TMEM132D: variants seen among roughly 807,000 people sequenced by gnomAD.
TMEM132D encodes the protein mature OL transmembrane protein.
Under a neutral mutation model 62.3 loss-of-function variants are expected in TMEM132D, and 21 were observed. That is an observed-to-expected ratio of 0.34 (90% CI 0.24 to 0.49). The LOEUF (loss-of-function observed/expected upper bound fraction) is 0.49. Ranked by LOEUF, TMEM132D falls within the 20% of genes least tolerant of loss-of-function variation. The pLI is 0.99. For missense variants in TMEM132D, 1,346 were observed against 1,402.8 expected (o/e 0.96, Z 0.65); for synonymous variants, 621 against 575.6 (o/e 1.08, Z -1.13).
intron 5 of TMEM132D, among the ~76,000 whole-genome samples, chr12:129,124,144 T>G (rs1181852262): frequency 3.3e-5 from 5 of 152,058 alleles, no homozygotes; most frequent in African/African-American, 1.2e-4. Context: ...TTCTGCAGAT[T>G]TACAGGGTTA....
At chr12:129,896,578 G>A (rs767321269) in intron 1 of TMEM132D, among the ~76,000 whole-genome samples, 29 of 152,170 alleles carry the variant, frequency 1.9e-4, no homozygotes, top group Non-Finnish European at 4.3e-4. Flanking sequence ...CATCTTCTTA[G>A]TGAATCTGCA....
At position 129,616,892 on chromosome 12, in the gene TMEM132D, T is replaced by C. The variant is rs149089505; in HGVS notation, c.968+82918A>G. On this transcript the variant is annotated intron_variant, in intron 2 of 8. Transcript: ENST00000422113. ...TTTGTTCTGTATGAGCAAAAGCTGATGTAAGGAGGCTGAGTAGACAAGGAG... is the reference window on the plus strand; with the variant it reads ...TTTGTTCTGTATGAGCAAAAGCTGACGTAAGGAGGCTGAGTAGACAAGGAG... Among the ~76,000 whole-genome samples, 992 of 152,352 alleles carry C rather than the reference T, an allele frequency of 6.5e-3. 10 individuals carry two copies. Among genetic ancestry groups the C allele is most frequent in the South Asian group, 0.053 (257 of 4,824 alleles).
chr12:129,711,994 A>G (rs1441674824), intron 1 of TMEM132D, among the ~76,000 whole-genome samples: 1 of 151,988 alleles, frequency 6.6e-6, no homozygotes, highest in Admixed American at 6.6e-5. Context: ...CTTGTGGAGC[A>G]TCTGGGAAAG....
intron 1 of TMEM132D, among the ~76,000 whole-genome samples, chr12:129,752,918 G>A (rs1870045823): frequency 6.6e-6 from 1 of 152,194 alleles, no homozygotes; most frequent in African/African-American, 2.4e-5. Context: ...ATCCAAAGGA[G>A]GAAGGGTGGT....
chr12:129,076,439 C>T (rs1449234801), intron 8 of TMEM132D, among the ~76,000 whole-genome samples: 2 of 152,092 alleles, frequency 1.3e-5, no homozygotes, highest in Non-Finnish European at 2.9e-5. Flanking sequence ...TGGCCCCTGA[C>T]CATGACAGAA....
At chr12:129,646,380 C>A (rs1879778182) in intron 2 of TMEM132D, among the ~76,000 whole-genome samples, 1 of 152,146 alleles carries the variant, frequency 6.6e-6, no homozygotes, top group Admixed American at 6.6e-5. Context: ...CAGTCTGACT[C>A]CTAACCTTTC....
In TMEM132D at chr12:129,097,740, G is replaced by A. The variant is rs151123942; in HGVS notation, c.1444-13038C>T. On this transcript the variant is annotated intron_variant, in intron 5 of 8. Transcript: ENST00000422113. ...AGGAGAGTTTATATTGTCCATTTAC[G>A]TAGAAAAGGAGAGGGTAGACAGAAC... Among the ~76,000 whole-genome samples, 6 of 152,324 alleles carry A rather than the reference G, an allele frequency of 3.9e-5. No individual in the cohort carries two copies. The East Asian group carries it at 5.8e-4, about 15-fold the overall frequency.
At chr12:129,180,854 G>A (rs1878044953) in intron 5 of TMEM132D, among the ~76,000 whole-genome samples, 1 of 152,124 alleles carries the variant, frequency 6.6e-6, no homozygotes, top group Non-Finnish European at 1.5e-5. Context: ...TACGAGTCAG[G>A]GCCGGGGAGA....
At chr12:129,287,272 T>C (rs1001939817) in intron 4 of TMEM132D, among the ~76,000 whole-genome samples, 3 of 152,214 alleles carry the variant, frequency 2.0e-5, no homozygotes, top group African/African-American at 7.2e-5. Flanking sequence ...CTATAATCCA[T>C]GGCATAAAAC....
chr12:129,340,556 T>C (rs529595501), intron 3 of TMEM132D, among the ~76,000 whole-genome samples: 3 of 148,544 alleles, frequency 2.0e-5, no homozygotes, highest in African/African-American at 5.0e-5. Context: ...GAACATGCGG[T>C]GTTTGGTTTT....
chr12:129,516,873 C>T (rs912983586), intron 3 of TMEM132D, among the ~76,000 whole-genome samples: 1 of 152,158 alleles, frequency 6.6e-6, no homozygotes, highest in South Asian at 2.1e-4. Flanking sequence ...GGGGAGAATC[C>T]ATTGCCTTGC....
At chr12:129,361,801 A>C (rs762507974) in intron 3 of TMEM132D, among the ~76,000 whole-genome samples, 1 of 152,208 alleles carries the variant, frequency 6.6e-6, no homozygotes, top group Non-Finnish European at 1.5e-5. Context: ...ATGATTGACA[A>C]ACAAGAATAG....
chr12:129,718,447 A>G (rs1216504254), intron 1 of TMEM132D, among the ~76,000 whole-genome samples: 1 of 152,238 alleles, frequency 6.6e-6, no homozygotes, highest in African/African-American at 2.4e-5. Flanking sequence ...CTTTCTTCCC[A>G]GTTAAAGTCA....
chr12:129,652,278 T>C (rs559389498), intron 2 of TMEM132D, among the ~76,000 whole-genome samples: 53 of 152,316 alleles, frequency 3.5e-4, no homozygotes, highest in African/African-American at 1.3e-3. Flanking sequence ...TTACTAAGAA[T>C]TGTTGATGTA....
chr12:129,148,799 G>C (rs191298997), intron 5 of TMEM132D, among the ~76,000 whole-genome samples: 17 of 152,288 alleles, frequency 1.1e-4, no homozygotes, highest in Admixed American at 1.1e-3. Context: ...GAGGCTTCCT[G>C]GCAGGCCAGG....
Position 129,336,905 on chromosome 12 carries a change from G to A in TMEM132D, c.1299+729C>T, listed in dbSNP as rs1869299591. On this transcript the variant is annotated intron_variant, in intron 4 of 8. Transcript: ENST00000422113. ...AAACCACTACTTGCTCAAGACAAAC[G>A]GCGTTGCCATTCCCAGTGACAGAAC... Among the ~76,000 whole-genome samples the A allele has an allele frequency of 2.6e-5, 4 of 152,162 alleles. No individual in the cohort carries two copies. The South Asian group carries it at 6.2e-4, about 24-fold the overall frequency.
At chr12:129,588,740 ATTTTTTTCTTTTT>A (rs1878107148) in intron 2 of TMEM132D, among the ~76,000 whole-genome samples, 4 of 31,118 alleles carry the variant, frequency 1.3e-4, no homozygotes, top group Non-Finnish European at 2.6e-4. Context: ...ACGCCCAGCT[ATTTTTTTCTTTTT>A]TTTTTTTTTT....
At chr12:129,084,164 A>G (rs952256664) in intron 6 of TMEM132D, among the ~76,000 whole-genome samples, 4 of 152,074 alleles carry the variant, frequency 2.6e-5, no homozygotes, top group African/African-American at 9.7e-5. Context: ...CCAGCCACTC[A>G]GTGTGTTTGA....
intron 3 of TMEM132D, among the ~76,000 whole-genome samples, chr12:129,527,867 T>C (rs982299228): frequency 1.3e-5 from 2 of 152,222 alleles, no homozygotes; most frequent in African/African-American, 4.8e-5. Context: ...CAACCTAACT[T>C]CTTCAAACAG....
Sources: gnomAD v4.1 joint callset for allele counts (sites outside exome capture counted in the v4.1 genomes callset) on GRCh38, gnomAD v4.1.1 for gene constraint, MANE v1.5 for transcripts, NCBI Gene and HGNC (gene_info 2026-07-23, HGNC 2026-07-21) for gene names.